The following TRMT1 variants were observed in gnomAD, a reference collection of about 807,000 sequenced individuals.
TRMT1 encodes the protein tRNA (guanine(26)-N(2))-dimethyltransferase.
A neutral mutation model predicts 75.4 loss-of-function variants in TRMT1; 63 were observed. That is an observed-to-expected ratio of 0.84 (90% confidence interval 0.68 to 1.03). The LOEUF (loss-of-function observed/expected upper bound fraction) is 1.03. Among genes scored for constraint, TRMT1 ranks in the 50% least tolerant of loss-of-function variants. The pLI is 0.00. For synonymous variants in TRMT1, 382 were observed against 358.1 expected (o/e 1.07, Z -0.75); for missense variants, 870 against 905.3 (o/e 0.96, Z 0.50).
chr19:13,106,514 G>T (rs1407649950), intron 14 of TRMT1, among the ~76,000 whole-genome samples: 3 of 152,096 alleles, frequency 2.0e-5, no homozygotes, highest in South Asian at 4.1e-4. Context: ...GTCTCACTCT[G>T]TCGCCCAGGC....
rs1362615155 is a variant in TRMT1 at position 13,107,631 on chromosome 19, T to C, written c.1526A>G (p.Lys509Arg). Reference protein sequence around the residue: ...MRCWEKECPVKRERLSETSPA... With the variant: ...MRCWEKECPVRRERLSETSPA... ...GCTAGTCTCTGATAGTCGCTCCCGT[T>C]TCACCGGACATTCCTTCTCCTGGGG... Residue 509 changes from lysine to arginine, a missense_variant, in exon 14 of 17, where the codon AAA becomes AGA. Coordinates refer to ENST00000357720, the MANE Select transcript of TRMT1 (RefSeq NM_001136035.4). 1 of 1,608,274 alleles carries C rather than the reference T, an allele frequency of 6.2e-7. No individual in the cohort carries two copies. The highest frequency in any genetic ancestry group is 8.5e-7 in the Non-Finnish European group (1 of 1,176,802).
chr19:13,106,945 TC>T (rs1369404951), intron 14 of TRMT1, among the ~76,000 whole-genome samples: 1 of 149,128 alleles, frequency 6.7e-6, no homozygotes. Context: ...TGTCTCAGCC[TC>T]CCGAGTAGCT....
At chr19:13,111,960 A>T (rs983299760) in intron 7 of TRMT1, among the ~76,000 whole-genome samples, 1 of 137,640 alleles carries the variant, frequency 7.3e-6, no homozygotes, top group Non-Finnish European at 1.6e-5. Context: ...CGACTTCCCA[A>T]AGTGCTGGGA....
chr19:13,110,437 G>A (rs1568367338), intron 7 of TRMT1, 131 bp from the exon 8 acceptor site: 18 of 1,089,772 alleles, frequency 1.7e-5, no homozygotes, highest in Non-Finnish European at 2.0e-5. Context: ...GAAAGTCCTG[G>A]CTGTGGGACC....
At chr19:13,113,058 T>C in intron 5 of TRMT1, 47 bp from the exon 6 acceptor site, 1 of 1,472,664 alleles carries the variant, frequency 6.8e-7, no homozygotes, top group South Asian at 1.3e-5. Flanking sequence ...GCCAGGTACC[T>C]TCTCTGTCCC....
In TRMT1 at chr19:13,110,149, C is replaced by CG. The variant is rs1568366277; in HGVS notation, c.1019+8dup. On this transcript the variant is annotated intron_variant, in intron 8 of 16. Transcript: ENST00000357720. Reference sequence around the variant, plus strand: ...TCAATCCACCACCGCTCTCTGCCCCCGGGCTGACCTGGCTGAGGCCTTGAC... The same window carrying CG: ...TCAATCCACCACCGCTCTCTGCCCCCGGGGCTGACCTGGCTGAGGCCTTGAC... 4 of 1,611,802 alleles carry CG rather than the reference C, an allele frequency of 2.5e-6. No homozygotes were observed. The highest frequency in any genetic ancestry group is 1.3e-5 in the African/African-American group (1 of 74,886).
rs557087615 is a variant in TRMT1 at position 13,113,115 on chromosome 19, G to A, written c.642-104C>T. 1.9e-3 allele frequency: 1,257 copies of A among 669,122 alleles called. 4 individuals carry two copies. Among genetic ancestry groups the A allele is most frequent in the Non-Finnish European group, 2.1e-3 (942 of 441,578 alleles). 41.4% of individuals were successfully genotyped at this position (669,122 alleles called of 1,614,324 possible). ...GCACAGTGGTTTGGGTCTGAACTCC[G>A]GGGCCAGATTCCCAAGTTCAAGTCC... On this transcript the variant is annotated intron_variant, in intron 5 of 16. Transcript: ENST00000357720.
chr19:13,106,130 C>A (rs1312847031), intron 14 of TRMT1, among the ~76,000 whole-genome samples: 1 of 150,068 alleles, frequency 6.7e-6, no homozygotes, highest in Non-Finnish European at 1.5e-5. Context: ...GTGCGATCGC[C>A]ATCAAAGCTG....
At chr19:13,109,085 G>GGTGTGGGTGTGTGT (rs1555716155) in intron 12 of TRMT1, among the ~76,000 whole-genome samples, 5 of 147,272 alleles carry the variant, frequency 3.4e-5, no homozygotes, top group African/African-American at 1.2e-4. Context: ...CAGGCTAATG[G>GGTGTGGGTGTGTGT]GTGTGTGTGT....
At chr19:13,106,065 AAAAAT>A (rs1426114083) in intron 14 of TRMT1, among the ~76,000 whole-genome samples, 2 of 151,790 alleles carry the variant, frequency 1.3e-5, no homozygotes, top group Admixed American at 6.6e-5. Flanking sequence ...CTGTCTAAAA[AAAAAT>A]AAAATAAAGA....
chr19:13,109,807 CAG>C lies in TRMT1; in HGVS notation c.1136_1137del (p.Pro379ArgfsTer6). On this transcript the variant is annotated frameshift_variant, in exon 10 of 17. Coordinates refer to ENST00000357720, the MANE Select transcript of TRMT1 (RefSeq NM_001136035.4). LOFTEE classifies it high-confidence loss of function. ...RAKFSAACGP[P>X]VTPECEHCGQ... is the part of the protein sequence containing the mutation. ...CCACAGTGTTCACACTCGGGGGTCA[CAG>C]GGGGACCACAGGCTGCAGAGAACTT... 2 of 1,614,174 alleles carry C rather than the reference CAG, an allele frequency of 1.2e-6. No individual in the cohort carries two copies. The highest frequency in any genetic ancestry group is 1.7e-6 in the Non-Finnish European group (2 of 1,180,034).
intron 7 of TRMT1, among the ~76,000 whole-genome samples, chr19:13,112,332 G>A (rs867610743): frequency 2.6e-5 from 4 of 152,214 alleles, no homozygotes; most frequent in South Asian, 2.1e-4. Flanking sequence ...AAAAAAACCC[G>A]AGGACCAGAA....
rs759324962 is a variant in TRMT1, at chr19:13,116,312, C to A, written c.88G>T (p.Gly30Trp). The A allele has an allele frequency of 6.2e-7, 1 of 1,613,992 alleles. No homozygotes were observed. Among genetic ancestry groups the A allele is most frequent in the Admixed American group, 1.7e-5 (1 of 60,028 alleles). The change falls in exon 2 of 17, where the codon GGG (glycine) becomes TGG (tryptophan). Residue 30 changes from glycine (G) to tryptophan (W), a missense_variant. Transcript: ENST00000357720. ...TCCATCGCTGCTGTATTCGGCAGCC[C>A]TGGAGACTGCCACTCGAAAAACCGG... is the stretch of plus-strand genomic sequence containing the variant. ...RARFFEWQSP[G>W]LPNTAAMENG...
At chr19:13,106,491 C>A (rs1221873545) in intron 14 of TRMT1, among the ~76,000 whole-genome samples, 1 of 150,474 alleles carries the variant, frequency 6.6e-6, no homozygotes, top group Non-Finnish European at 1.5e-5. Flanking sequence ...ATTTTCTTTT[C>A]TTTTGGGATG....
At position 13,115,688 on chromosome 19, in the gene TRMT1, C is replaced by T. The variant is rs2145599553; in HGVS notation, c.391G>A (p.Glu131Lys). The part of the protein sequence containing the change: ...EQEEEKVELK[E>K]SENLASGDQP... ...TCTCCTGAGGCCAGGTTTTCACTCT[C>T]TTTCAGTTCAACCTTTTCCTCCTCT... Residue 131 changes from glutamate (E) to lysine (K), a missense_variant, in exon 4 of 17, where the codon GAG becomes AAG. Glu to Lys is a moderately conservative substitution (Grantham distance 56). Coordinates refer to ENST00000357720, the MANE Select transcript of TRMT1 (RefSeq NM_001136035.4). 6.2e-7 allele frequency: 1 copy of T among 1,614,104 alleles called. No individual in the cohort carries two copies. Among genetic ancestry groups the T allele is most frequent in the Non-Finnish European group, 8.5e-7 (1 of 1,180,024 alleles).
At chr19:13,106,294 C>CAA (rs56896759) in intron 14 of TRMT1, among the ~76,000 whole-genome samples, 101,184 of 151,722 alleles carry the variant, frequency 0.67, 34,591 homozygotes, top group African/African-American at 0.83. Flanking sequence ...AGGCTGGTTT[C>CAA]ATTCCTGGGC....
chr19:13,110,285 T>C lies in TRMT1; in HGVS notation c.892A>G (p.Ser298Gly). ...TAGCAGTTGGCGCGGAGGTCCAGGC[T>C]GTGCAGGACGATTCTCAGGGCCTGG... ...HEMALRIVLH[S>G]LDLRANCYQR... Residue 298 changes from serine (S) to glycine (G), a missense_variant, in exon 8 of 17, where the codon AGC becomes GGC. Transcript: ENST00000357720. The C allele has an allele frequency of 6.6e-7, 1 of 1,519,410 alleles. No homozygotes were observed. Among genetic ancestry groups the C allele is most frequent in the Non-Finnish European group, 8.9e-7 (1 of 1,122,226 alleles). 94.1% of individuals were successfully genotyped at this position (1,519,410 alleles called of 1,614,324 possible).
intron 12 of TRMT1, among the ~76,000 whole-genome samples, chr19:13,108,667 C>T (rs184840848): frequency 2.3e-4 from 35 of 151,172 alleles, no homozygotes; most frequent in East Asian, 2.2e-3. Flanking sequence ...TGTGCAGTGG[C>T]GCAATCTTGG....
At chr19:13,105,112 G>T (rs369638881) in intron 16 of TRMT1, 31 bp from the exon 17 acceptor site, 17 of 1,559,170 alleles carry the variant, frequency 1.1e-5, no homozygotes, top group Non-Finnish European at 1.5e-5. Flanking sequence ...GTGAACCCCT[G>T]CCCGGAGCTC....
Sources: allele counts gnomAD v4.1 joint callset (sites outside exome capture counted in the v4.1 genomes callset), GRCh38; gene constraint gnomAD v4.1.1; transcripts MANE v1.5; gene names NCBI Gene and HGNC (gene_info 2026-07-23, HGNC 2026-07-21).